Variants in RIMS2 observed in about 807,000 individuals in gnomAD.
The protein encoded by RIMS2 is regulating synaptic membrane exocytosis protein 2.
In RIMS2, 59 loss-of-function variants were observed where a neutral mutation model predicts 174.4. That is an observed-to-expected ratio of 0.34 (90% CI 0.27 to 0.42). The LOEUF (loss-of-function observed/expected upper bound fraction) is 0.42, where lower values mean the gene tolerates loss of function less well. Ranked by LOEUF, RIMS2 falls within the 10% of genes least tolerant of loss-of-function variation. RIMS2 has a pLI of 1.00. For synonymous variants in RIMS2, 606 were observed against 572.5 expected (o/e 1.06, Z -0.84); for missense variants, 1,620 against 1,666.3 (o/e 0.97, Z 0.48).
At chr8:103,824,067 G>T (rs1250802960) in intron 3 of RIMS2, among the ~76,000 whole-genome samples, 1 of 151,936 alleles carries the variant, frequency 6.6e-6, no homozygotes, top group African/African-American at 2.4e-5. Context: ...AGATATGTGT[G>T]TCATTAGTAT....
chr8:103,635,120 GTTA>G (rs949398109), intron 1 of RIMS2, among the ~76,000 whole-genome samples: 5 of 152,176 alleles, frequency 3.3e-5, no homozygotes, highest in African/African-American at 7.2e-5. Context: ...TTGTTTGTGT[GTTA>G]TTATGTTGCT....
chr8:104,011,669 G>C (rs1427746143), intron 17 of RIMS2, among the ~76,000 whole-genome samples: 1 of 151,934 alleles, frequency 6.6e-6, no homozygotes, highest in African/African-American at 2.4e-5. Flanking sequence ...GATGGAATCA[G>C]AATAAATGAA....
chr8:103,684,740 CCAT>C (rs1432622024), intron 1 of RIMS2, among the ~76,000 whole-genome samples: 5 of 152,084 alleles, frequency 3.3e-5, no homozygotes, highest in African/African-American at 7.2e-5. Flanking sequence ...GTGCCCACCA[CCAT>C]GCCTGGCTAA....
intron 13 of RIMS2, among the ~76,000 whole-genome samples, 179 bp downstream of exon 15, chr8:103,936,901 C>T (rs1360196081): frequency 2.6e-5 from 4 of 152,018 alleles, no homozygotes; most frequent in Non-Finnish European, 4.4e-5. Flanking sequence ...TGAGACCATC[C>T]TGGCTAACAT....
chr8:103,556,183 T>G (rs1375852960), intron 1 of RIMS2, among the ~76,000 whole-genome samples: 2 of 152,116 alleles, frequency 1.3e-5, no homozygotes, highest in Non-Finnish European at 2.9e-5. Context: ...TTTCTAAGAG[T>G]AGATTTTAAA....
At chr8:103,552,796 G>C (rs1284779158) in intron 1 of RIMS2, among the ~76,000 whole-genome samples, 2 of 152,164 alleles carry the variant, frequency 1.3e-5, no homozygotes, top group Non-Finnish European at 2.9e-5. Flanking sequence ...GATATGAACA[G>C]ACACTTCTCA....
chr8:104,180,815 A>C (rs2135925383), intron 19 of RIMS2, among the ~76,000 whole-genome samples: 1 of 151,894 alleles, frequency 6.6e-6, no homozygotes, highest in African/African-American at 2.4e-5. Context: ...GTATTAATAA[A>C]GTAACTAGGA....
intron 1 of RIMS2, among the ~76,000 whole-genome samples, chr8:103,542,839 C>T (rs549871076): frequency 6.6e-6 from 1 of 152,214 alleles, no homozygotes; most frequent in East Asian, 1.9e-4. Flanking sequence ...GATAAATAAA[C>T]TTCTAAAAAG....
intron 15 of RIMS2, among the ~76,000 whole-genome samples, chr8:103,973,777 T>C (rs953769293): frequency 2.6e-5 from 4 of 152,236 alleles, no homozygotes; most frequent in Non-Finnish European, 5.9e-5. Flanking sequence ...AACTTTACAT[T>C]CAACTGCAAT....
At chr8:103,890,870 A>G (rs546774566) in intron 4 of RIMS2, among the ~76,000 whole-genome samples, 6 of 152,170 alleles carry the variant, frequency 3.9e-5, no homozygotes, top group Admixed American at 6.6e-5. Context: ...TGAGTAGTCT[A>G]TAGCAGGTTT....
chr8:103,679,119 T>G (rs2096849023), intron 1 of RIMS2, among the ~76,000 whole-genome samples: 1 of 152,046 alleles, frequency 6.6e-6, no homozygotes, highest in Non-Finnish European at 1.5e-5. Context: ...AGGCAAACCC[T>G]TTTTACCAGA....
At chr8:104,063,635 G>A (rs557855587) in intron 19 of RIMS2, among the ~76,000 whole-genome samples, 149 of 152,274 alleles carry the variant, frequency 9.8e-4, no homozygotes, top group African/African-American at 3.5e-3. Flanking sequence ...ATTTTCTCCT[G>A]AAGTTTGGGG....
rs777116826 is a variant in RIMS2, at chr8:104,185,968, T to C, written c.3335-58948T>C. Among the ~76,000 whole-genome samples the C allele has an allele frequency of 2.6e-5, 4 of 151,734 alleles. No individual in the cohort carries two copies. The South Asian group carries it at 6.2e-4, about 24-fold the overall frequency. On this transcript the variant is annotated intron_variant, in intron 19 of 23. Coordinates refer to ENST00000504942, the Ensembl canonical transcript of RIMS2. ...GGCACTATTTACAGTAGAAAAGATA[T>C]AGAATCAACCTAAGTGTCTGTCAAT...
chr8:104,107,236 A>C lies in RIMS2; in HGVS notation c.3334+92621A>C, dbSNP rs368282553. 2.0e-5 allele frequency among the ~76,000 whole-genome samples: 3 copies of C among 152,116 alleles called. No individual in the cohort carries two copies. The East Asian group carries it at 5.8e-4, about 29-fold the overall frequency. ...TGGCTTCTGGTTTCTTTTTGAGTAA[A>C]GTACCTACTCATCCTTCACCACTCA... On this transcript the variant is annotated intron_variant, in intron 19 of 23. Coordinates refer to ENST00000504942, the Ensembl canonical transcript of RIMS2.
chr8:104,216,596 C>T (rs2099130833), intron 19 of RIMS2, among the ~76,000 whole-genome samples: 1 of 152,192 alleles, frequency 6.6e-6, no homozygotes, highest in Non-Finnish European at 1.5e-5. Context: ...GAGACATCCT[C>T]AATATGCCTT....
rs538051283 is a variant in RIMS2, at chr8:103,529,206, G to T, written c.176+28144G>T. ...GGCTTTCTGTTTGTCTGTTATTGGT[G>T]TATAAGAATGCTTGTGATTTTTGCA... On this transcript the variant is annotated intron_variant, in intron 1 of 23. Coordinates refer to ENST00000504942, the Ensembl canonical transcript of RIMS2. 7.9e-5 allele frequency among the ~76,000 whole-genome samples: 12 copies of T among 151,814 alleles called. No homozygotes were observed. The East Asian group carries it at 2.3e-3, about 29-fold the overall frequency.
At chr8:103,763,408 C>T (rs1219988378) in intron 2 of RIMS2, among the ~76,000 whole-genome samples, 1 of 150,308 alleles carries the variant, frequency 6.7e-6, no homozygotes, top group African/African-American at 2.5e-5. Flanking sequence ...TGAACTCCAG[C>T]CTAGGTGACA....
intron 3 of RIMS2, among the ~76,000 whole-genome samples, chr8:103,875,573 G>A (rs2154514883): frequency 6.6e-6 from 1 of 152,122 alleles, no homozygotes; most frequent in Non-Finnish European, 1.5e-5. Context: ...TGATAAACGT[G>A]TGCAGGTGTC....
intron 3 of RIMS2, among the ~76,000 whole-genome samples, chr8:103,848,682 G>A (rs2098980992): frequency 6.6e-6 from 1 of 152,014 alleles, no homozygotes; most frequent in African/African-American, 2.4e-5. Flanking sequence ...TTCTACCACA[G>A]ATATCTCTAG....
Sources: gnomAD v4.1 joint callset for allele counts (sites outside exome capture counted in the v4.1 genomes callset) on GRCh38, gnomAD v4.1.1 for gene constraint, MANE v1.5 for transcripts, NCBI Gene and HGNC (gene_info 2026-07-23, HGNC 2026-07-21) for gene names.